Variants in APBA2 observed in about 807,000 individuals in gnomAD.
APBA2 encodes the protein amyloid-beta A4 precursor protein-binding family A member 2.
Under a neutral mutation model 75.0 loss-of-function variants are expected in APBA2, and 30 were observed. The ratio of observed to expected loss-of-function variants is 0.40; its 90% CI spans 0.30 to 0.54. The LOEUF (loss-of-function observed/expected upper bound fraction) is 0.54, where lower values mean the gene tolerates loss of function less well. Among genes scored for constraint, APBA2 ranks in the 20% least tolerant of loss-of-function variants. The probability of loss-of-function intolerance (pLI) is 0.49; values close to 1 mark genes in which losing one functional copy is unlikely to be tolerated. For synonymous variants in APBA2, 444 were observed against 409.6 expected (o/e 1.08, Z -1.01); for missense variants, 801 against 1,016.1 (o/e 0.79, Z 2.88).
At chr15:28,957,310 C>T (rs1290015939) in intron 2 of APBA2, among the ~76,000 whole-genome samples, 15 of 152,156 alleles carry the variant, frequency 9.9e-5, no homozygotes, top group Admixed American at 7.9e-4. Context: ...CTCCTGACCT[C>T]GTGATCCGCC....
At chr15:28,988,944 T>C (rs547709183) in intron 2 of APBA2, among the ~76,000 whole-genome samples, 1 of 152,360 alleles carries the variant, frequency 6.6e-6, no homozygotes, top group South Asian at 2.1e-4. Flanking sequence ...CTCCTTTTTC[T>C]TGACAGCACT....
At chr15:28,903,321 G>C (rs1419625470) in intron 1 of APBA2, among the ~76,000 whole-genome samples, 1 of 152,194 alleles carries the variant, frequency 6.6e-6, no homozygotes, top group African/African-American at 2.4e-5. Context: ...TGTAAGTGCG[G>C]TTGACCGTCC....
chr15:29,066,750 GAA>G (rs899293248), intron 4 of APBA2, among the ~76,000 whole-genome samples: 3 of 152,012 alleles, frequency 2.0e-5, no homozygotes, highest in African/African-American at 2.4e-5. Flanking sequence ...ATAAAGAAAA[GAA>G]GAGGTTTTTC....
intron 4 of APBA2, among the ~76,000 whole-genome samples, chr15:29,066,543 G>T (rs1172558902): frequency 1.3e-5 from 2 of 152,092 alleles, no homozygotes; most frequent in Non-Finnish European, 2.9e-5. Context: ...GGTGGTCAGG[G>T]GCTGGAGAGA....
At chr15:28,939,977 C>A (rs554045649) in intron 2 of APBA2, among the ~76,000 whole-genome samples, 1 of 152,182 alleles carries the variant, frequency 6.6e-6, no homozygotes, top group Non-Finnish European at 1.5e-5. Flanking sequence ...GCTCCATCTC[C>A]GTGCTTACAG....
chr15:28,979,366 C>T (rs528292397), intron 2 of APBA2, among the ~76,000 whole-genome samples: 12 of 152,318 alleles, frequency 7.9e-5, no homozygotes, highest in East Asian at 1.9e-4. Context: ...GAATTTGCTT[C>T]GGGCCTCTGT....
chr15:29,011,685 TTGTTA>T (rs1290322012), intron 3 of APBA2, among the ~76,000 whole-genome samples: 1 of 152,226 alleles, frequency 6.6e-6, no homozygotes, highest in East Asian at 1.9e-4. Flanking sequence ...TTTTACTTCT[TTGTTA>T]TATCATTTAC....
In APBA2 at chr15:29,093,232, T is replaced by G; in HGVS notation, c.1215+12T>G. On this transcript the variant is annotated intron_variant, in intron 7 of 14. Coordinates refer to ENST00000683413, the MANE Select transcript of APBA2 (RefSeq NM_001353788.2). Reference sequence around the variant, plus strand: ...TCAGCCGGGTCAAGGTAGAGGTGCTTCGAGGGCCCCTCGCGGATGCCCGCA... The same window carrying G: ...TCAGCCGGGTCAAGGTAGAGGTGCTGCGAGGGCCCCTCGCGGATGCCCGCA... 2 of 1,614,102 alleles carry G rather than the reference T, an allele frequency of 1.2e-6. No homozygotes were observed. The highest frequency in any genetic ancestry group is 2.2e-5 in the South Asian group (2 of 91,076).
chr15:29,040,953 T>C (rs1474892083), intron 3 of APBA2, among the ~76,000 whole-genome samples: 1 of 151,938 alleles, frequency 6.6e-6, no homozygotes, highest in Non-Finnish European at 1.5e-5. Flanking sequence ...GTGACTGTTA[T>C]AACCATGTTC....
At chr15:29,108,467 G>A (rs749531387) in intron 13 of APBA2, 78 bp downstream of exon 13, 5 of 1,607,866 alleles carry the variant, frequency 3.1e-6, no homozygotes, top group Admixed American at 1.7e-5. Flanking sequence ...GTCCAATGGG[G>A]CAGGCTATGT....
chr15:29,053,569 G>T lies in APBA2; in HGVS notation c.-40-276G>T, dbSNP rs189690621. On this transcript the variant is annotated intron_variant, in intron 3 of 14. Transcript: ENST00000683413. ...CTGAGTGAGAAGTCAGGAATGAGCC[G>T]GTAGGTTCCTGGGGAGAGGCGTGTG... Among the ~76,000 whole-genome samples the T allele has an allele frequency of 1.9e-3, 293 of 152,230 alleles. 2 individuals are homozygous for T. Among genetic ancestry groups the T allele is most frequent in the African/African-American group, 6.8e-3 (283 of 41,538 alleles).
chr15:28,946,355 G>A (rs1205001859), intron 2 of APBA2, among the ~76,000 whole-genome samples: 2 of 152,258 alleles, frequency 1.3e-5, no homozygotes, highest in Non-Finnish European at 2.9e-5. Flanking sequence ...GGAGTTAATT[G>A]TCAGAGGAGA....
chr15:28,996,415 A>T (rs1319886569), intron 3 of APBA2, among the ~76,000 whole-genome samples: 2 of 152,088 alleles, frequency 1.3e-5, no homozygotes, highest in Non-Finnish European at 2.9e-5. Context: ...TGCAGCCCTG[A>T]AGACACTGCC....
chr15:29,061,251 C>T (rs1473190442), intron 4 of APBA2, among the ~76,000 whole-genome samples: 1 of 152,202 alleles, frequency 6.6e-6, no homozygotes, highest in African/African-American at 2.4e-5. Flanking sequence ...TGACGTCTAT[C>T]AGGAGATACA....
At chr15:28,945,280 C>T (rs1490357826) in intron 2 of APBA2, among the ~76,000 whole-genome samples, 2 of 147,706 alleles carry the variant, frequency 1.4e-5, no homozygotes, top group East Asian at 4.3e-4. Flanking sequence ...AAACTCAGGA[C>T]ATCTCAGGGT....
intron 3 of APBA2, among the ~76,000 whole-genome samples, chr15:29,039,040 GA>G (rs983250939): frequency 6.6e-6 from 1 of 151,658 alleles, no homozygotes; most frequent in Non-Finnish European, 1.5e-5. Context: ...GAAGCGGGGA[GA>G]TATGCTGCCT....
At chr15:28,898,107 T>C (rs2032621540) in intron 1 of APBA2, among the ~76,000 whole-genome samples, 1 of 152,194 alleles carries the variant, frequency 6.6e-6, no homozygotes, top group Non-Finnish European at 1.5e-5. Flanking sequence ...GATTCTCCCC[T>C]GGTGCCTCTG....
chr15:28,978,937 C>T (rs572614758), intron 2 of APBA2, among the ~76,000 whole-genome samples: 16 of 152,362 alleles, frequency 1.1e-4, no homozygotes, highest in African/African-American at 2.6e-4. Flanking sequence ...GCTCTATGCC[C>T]GGCAGGTCAG....
Position 29,076,076 on chromosome 15 carries a change from C to T in APBA2, c.1054C>T (p.Pro352Ser). The T allele has an allele frequency of 6.2e-7, 1 of 1,614,152 alleles. No individual in the cohort carries two copies. The highest frequency in any genetic ancestry group is 1.1e-5 in the South Asian group (1 of 91,086). ...ACAGACAAAGAAGGTGGCATCATTT[C>T]CAAGTTTTGTGGCTGGTAAGTGACT... ...IPETKKVASFPSFVAVPGPCE... is the reference protein window; with the variant it reads ...IPETKKVASFSSFVAVPGPCE... Residue 352 changes from proline to serine, a missense_variant, in exon 6 of 15, where the codon CCA becomes TCA. Pro to Ser is a moderately conservative substitution (Grantham distance 74). This residue lies in a region of APBA2 where 434 missense variants were observed against 471.6 expected (regional missense o/e 0.92). Coordinates refer to ENST00000683413, the MANE Select transcript of APBA2 (RefSeq NM_001353788.2).
Sources: gnomAD v4.1 joint callset for allele counts (sites outside exome capture counted in the v4.1 genomes callset) on GRCh38, gnomAD v4.1.1 for gene constraint, gnomAD v4.1.1 regional missense constraint, MANE v1.5 for transcripts, NCBI Gene and HGNC (gene_info 2026-07-23, HGNC 2026-07-21) for gene names.